TMEM132C: variants seen among roughly 807,000 people sequenced by gnomAD.
The protein encoded by TMEM132C is transmembrane protein 132C, also known as protein phosphatase 1, regulatory subunit 152.
A neutral mutation model predicts 61.4 loss-of-function variants in TMEM132C; 29 were observed. The ratio of observed to expected loss-of-function variants is 0.47; its 90% confidence interval spans 0.35 to 0.64. The LOEUF (loss-of-function observed/expected upper bound fraction) is 0.64, where lower values mean the gene tolerates loss of function less well. TMEM132C is among the 30% of genes least tolerant of loss of function. The pLI is 0.00. For synonymous variants in TMEM132C, 656 were observed against 633.1 expected, an observed-to-expected ratio of 1.04 and a Z score of -0.54; for missense variants, 1,408 against 1,476.9, an observed-to-expected ratio of 0.95 and a Z score of 0.76.
intron 3 of TMEM132C, among the ~76,000 whole-genome samples, chr12:128,595,345 C>T (rs193151947): frequency 1.3e-5 from 2 of 152,240 alleles, no homozygotes; most frequent in Admixed American, 6.5e-5. Context: ...TCATCTGAAG[C>T]GACTTCTCTC....
At chr12:128,340,766 TCTA>T (rs1872931139) in intron 1 of TMEM132C, among the ~76,000 whole-genome samples, 1 of 150,868 alleles carries the variant, frequency 6.6e-6, no homozygotes, top group Admixed American at 6.6e-5. Context: ...TTTCTTTCTT[TCTA>T]TTTTTCTTTC....
chr12:128,392,269 G>T lies in TMEM132C; in HGVS notation c.86-22463G>T, dbSNP rs113079275. ...AAGGCTTGAACCGGTGGAGCCACTT[G>T]CCCAGGCAGCCGAGTTTACAAGTGA... On this transcript the variant is annotated intron_variant, in intron 1 of 8. Transcript: ENST00000435159. Among the ~76,000 whole-genome samples, 534 of 152,262 alleles carry T rather than the reference G, an allele frequency of 3.5e-3. 6 individuals carry two copies. Among genetic ancestry groups the T allele is most frequent in the African/African-American group, 0.012 (509 of 41,546 alleles).
chr12:128,651,111 G>T (rs542243310), intron 4 of TMEM132C, among the ~76,000 whole-genome samples: 2 of 152,288 alleles, frequency 1.3e-5, no homozygotes, highest in East Asian at 1.9e-4. Context: ...ACAAAATTTA[G>T]CCCCATCCTT....
intron 2 of TMEM132C, among the ~76,000 whole-genome samples, chr12:128,444,906 AT>A (rs778144653): frequency 8.5e-5 from 13 of 152,132 alleles, no homozygotes; most frequent in African/African-American, 3.1e-4. Flanking sequence ...AAGAAATTAT[AT>A]TTTTCAATCT....
At chr12:128,267,670 G>A (rs1332264519) in intron 1 of TMEM132C, among the ~76,000 whole-genome samples, 183 bp downstream of exon 1, 3 of 152,186 alleles carry the variant, frequency 2.0e-5, no homozygotes, top group Non-Finnish European at 4.4e-5. Flanking sequence ...TCCCAGCTGG[G>A]CGCCGGGATC....
At chr12:128,360,881 A>G (rs1446821254) in intron 1 of TMEM132C, among the ~76,000 whole-genome samples, 1 of 152,122 alleles carries the variant, frequency 6.6e-6, no homozygotes, top group Non-Finnish European at 1.5e-5. Flanking sequence ...TCCTACATAC[A>G]TGAGCTAAAG....
Position 128,666,512 on chromosome 12 carries a change from G to A in TMEM132C, c.1306-2905G>A, listed in dbSNP as rs146543991. On this transcript the variant is annotated intron_variant, in intron 4 of 8. Transcript: ENST00000435159. The stretch of plus-strand genomic sequence containing the variant: ...TAAGACAGTCTAGGATTCAACAGTC[G>A]AAAAGATAGATGACATAGCCCAACC... Among the ~76,000 whole-genome samples the A allele has an allele frequency of 2.6e-4, 39 of 152,300 alleles. No homozygotes were observed. The East Asian group carries it at 4.2e-3, about 17-fold the overall frequency.
intron 1 of TMEM132C, among the ~76,000 whole-genome samples, chr12:128,366,784 T>G (rs962923307): frequency 6.6e-6 from 1 of 152,226 alleles, no homozygotes; most frequent in Non-Finnish European, 1.5e-5. Context: ...TTAATATGCA[T>G]GTATTAAGTA....
intron 1 of TMEM132C, among the ~76,000 whole-genome samples, chr12:128,334,620 G>C (rs1031914731): frequency 6.7e-6 from 1 of 149,330 alleles, no homozygotes; most frequent in Admixed American, 6.6e-5. Context: ...TTTTGAGACG[G>C]TGTCTTGCTC....
intron 3 of TMEM132C, among the ~76,000 whole-genome samples, chr12:128,552,572 A>G (rs942017264): frequency 2.6e-5 from 4 of 152,250 alleles, no homozygotes; most frequent in African/African-American, 7.2e-5. Context: ...AATGCCTATC[A>G]GTTGCACAAA....
intron 1 of TMEM132C, among the ~76,000 whole-genome samples, chr12:128,311,019 A>T (rs1160024766): frequency 6.6e-6 from 1 of 152,192 alleles, no homozygotes; most frequent in African/African-American, 2.4e-5. Context: ...ATCATCTATC[A>T]ATATAAAAAA....
At chr12:128,687,994 A>G (rs544172220) in intron 5 of TMEM132C, among the ~76,000 whole-genome samples, 1 of 152,196 alleles carries the variant, frequency 6.6e-6, no homozygotes, top group East Asian at 1.9e-4. Flanking sequence ...TGTGTGGACC[A>G]TCTGTTCCCT....
intron 3 of TMEM132C, among the ~76,000 whole-genome samples, chr12:128,545,403 T>C (rs1018845064): frequency 1.1e-4 from 16 of 152,378 alleles, no homozygotes; most frequent in Admixed American, 6.5e-4. Context: ...TTTGCTATTG[T>C]GAACAGTGCT....
At chr12:128,451,978 T>C (rs965562060) in intron 2 of TMEM132C, among the ~76,000 whole-genome samples, 1 of 152,126 alleles carries the variant, frequency 6.6e-6, no homozygotes, top group African/African-American at 2.4e-5. Flanking sequence ...AATTAAATTT[T>C]AAGTATTATT....
rs1200070535 is a variant in TMEM132C, at chr12:128,706,534, C to A, written c.*239C>A. ...AGTCTGGGGCATGGGGAGTGCAGAC[C>A]AAGTTACTGAACTGCACAGGCAAAA... On this transcript the variant is annotated 3_prime_UTR_variant, in exon 9 of 9. Coordinates refer to ENST00000435159, the MANE Select transcript of TMEM132C (RefSeq NM_001136103.3). 3 of 462,662 alleles carry A rather than the reference C, an allele frequency of 6.5e-6. No individual in the cohort carries two copies. In the East Asian group the frequency reaches 1.0e-4, roughly 16 times the overall value. 28.7% of individuals were successfully genotyped at this position (462,662 alleles called of 1,614,324 possible). A position where few individuals can be genotyped will look rare whatever the true frequency, so the allele number is the denominator to read the frequency against.
At chr12:128,344,582 A>T (rs566127317) in intron 1 of TMEM132C, among the ~76,000 whole-genome samples, 1 of 152,252 alleles carries the variant, frequency 6.6e-6, no homozygotes, top group Non-Finnish European at 1.5e-5. Flanking sequence ...CTATAGAGCC[A>T]TAAGAGCAAT....
chr12:128,415,044 C>G lies in TMEM132C; in HGVS notation c.398C>G (p.Ala133Gly). 6.3e-7 allele frequency: 1 copy of G among 1,580,370 alleles called. No individual in the cohort carries two copies. Among genetic ancestry groups the G allele is most frequent in the Non-Finnish European group, 8.6e-7 (1 of 1,162,844 alleles). Residue 133 changes from alanine to glycine, a missense_variant, in exon 2 of 9, where the codon GCC (alanine) becomes GGC (glycine). Ala to Gly is a moderately conservative substitution (Grantham distance 60, BLOSUM62 0). Transcript: ENST00000435159. The surrounding 1 kb of genome is among the most constrained non-coding windows in gnomAD (Gnocchi z 5.8). ...NKFSFDWKLK[A>G]HILRDKVYLS... Reference sequence around the variant, plus strand: ...TTTAGTTTTGATTGGAAACTAAAAGCCCACATCCTGCGGGACAAAGTCTAC... The same window carrying G: ...TTTAGTTTTGATTGGAAACTAAAAGGCCACATCCTGCGGGACAAAGTCTAC...
At chr12:128,369,127 G>C (rs947904656) in intron 1 of TMEM132C, among the ~76,000 whole-genome samples, 1 of 152,184 alleles carries the variant, frequency 6.6e-6, no homozygotes, top group African/African-American at 2.4e-5. Flanking sequence ...ATGATAATGA[G>C]ATGAGGATGG....
chr12:128,540,901 C>G (rs891884340), intron 2 of TMEM132C, among the ~76,000 whole-genome samples: 2 of 152,124 alleles, frequency 1.3e-5, no homozygotes, highest in African/African-American at 4.8e-5. Context: ...ATACCAACTG[C>G]AAGCCCTGGC....
Sources: gnomAD v4.1 joint callset for allele counts (sites outside exome capture counted in the v4.1 genomes callset) on GRCh38, gnomAD v4.1.1 for gene constraint, Gnocchi (gnomAD v3.1) non-coding constraint, MANE v1.5 for transcripts, NCBI Gene and HGNC (gene_info 2026-07-23, HGNC 2026-07-21) for gene names.